PPIG: variants seen among roughly 807,000 people sequenced by gnomAD.
PPIG encodes the protein peptidyl-prolyl cis-trans isomerase G.
Under a neutral mutation model 87.9 loss-of-function variants are expected in PPIG, and 26 were observed. The ratio of observed to expected loss-of-function variants is 0.30; its 90% confidence interval spans 0.22 to 0.41. The LOEUF (loss-of-function observed/expected upper bound fraction) is 0.41, where lower values mean the gene tolerates loss of function less well. Ranked by LOEUF, PPIG falls within the 10% of genes least tolerant of loss-of-function variation. The pLI, the probability that PPIG is intolerant of heterozygous loss-of-function variation, is 1.00. For synonymous variants in PPIG, 308 were observed against 276.5 expected (o/e 1.11, Z -1.13); for missense variants, 722 against 879.4 (o/e 0.82, Z 2.26).
chr2:169,597,982 T>C (rs1009030269), intron 1 of PPIG, among the ~76,000 whole-genome samples: 5 of 150,456 alleles, frequency 3.3e-5, no homozygotes, highest in African/African-American at 1.2e-4. Flanking sequence ...ATTATAAGCA[T>C]GAGCCACCAT....
rs567023720 is a variant in PPIG, at chr2:169,589,617, C to T, written c.-70+5127C>T. ...AGCAGATAAGAATAATCCTTTCTTT[C>T]TTGGTTGTAAACTGAAGTGGATTCT... On this transcript the variant is annotated intron_variant, in intron 1 of 13. Coordinates refer to ENST00000260970, the MANE Select transcript of PPIG (RefSeq NM_004792.3). 2.6e-5 allele frequency among the ~76,000 whole-genome samples: 4 copies of T among 151,676 alleles called. No individual in the cohort carries two copies. The South Asian group carries it at 8.3e-4, about 31-fold the overall frequency.
intron 9 of PPIG, among the ~76,000 whole-genome samples, chr2:169,626,609 C>T (rs1368306229): frequency 6.6e-6 from 1 of 152,164 alleles, no homozygotes; most frequent in African/African-American, 2.4e-5. Flanking sequence ...AGGCTGGTCT[C>T]GAACTCCTGA....
chr2:169,614,517 A>T lies in PPIG; in HGVS notation c.407+24A>T, dbSNP rs750639746. Reference sequence around the variant, plus strand: ...GGGTAAATATTATTTTATTTATTTTACAACCTGTTTTAAATTAACCTTGAA... The same window carrying T: ...GGGTAAATATTATTTTATTTATTTTTCAACCTGTTTTAAATTAACCTTGAA... On this transcript the variant is annotated intron_variant, in intron 8 of 13. Transcript: ENST00000260970. 86 of 1,557,460 alleles carry T rather than the reference A, an allele frequency of 5.5e-5. No homozygotes were observed. The Middle Eastern group carries it at 5.6e-4, about 10-fold the overall frequency.
At chr2:169,600,439 A>C (rs976749315) in intron 1 of PPIG, among the ~76,000 whole-genome samples, 1 of 152,162 alleles carries the variant, frequency 6.6e-6, no homozygotes, top group African/African-American at 2.4e-5. Context: ...AATGCTTTGG[A>C]CCATATTATT....
At chr2:169,588,390 A>G (rs1359374708) in intron 1 of PPIG, among the ~76,000 whole-genome samples, 2 of 152,176 alleles carry the variant, frequency 1.3e-5, no homozygotes, top group African/African-American at 2.4e-5. Flanking sequence ...AAATTGTAGA[A>G]AGTACTAAAT....
Position 169,604,270 on chromosome 2 carries a change from A to C in PPIG, c.136+9A>C. 6.3e-7 allele frequency: 1 copy of C among 1,592,730 alleles called. No homozygotes were observed. ...TCGTTGTCTTTGTACAGGTTTGTTC[A>C]CATTTTCAACTGCCCTAATAGTAGT... On this transcript the variant is annotated intron_variant, in intron 4 of 13. Transcript: ENST00000260970.
chr2:169,631,880 T>A lies in PPIG; in HGVS notation c.876T>A (p.Pro292=), dbSNP rs559012385. The change falls in exon 11 of 14, where the codon CCT becomes CCA. Residue 292 remains proline (P), a synonymous_variant. Transcript: ENST00000260970. ...ENRFLMRKSP[P]KADEKERKNR... ...GATTCCTAATGAGAAAAAGTCCTCC[T>A]AAAGCTGATGAGAAGGAAAGGAAAA... The A allele has an allele frequency of 1.0e-4, 161 of 1,610,618 alleles. No individual in the cohort carries two copies. Among genetic ancestry groups the A allele is most frequent in the Non-Finnish European group, 1.3e-4 (156 of 1,177,346 alleles).
At chr2:169,627,470 T>A (rs13395891) in intron 9 of PPIG, among the ~76,000 whole-genome samples, 90,752 of 152,122 alleles carry the variant, frequency 0.6, 27,728 homozygotes, top group African/African-American at 0.73. Context: ...AAATAATTGT[T>A]TATGAAATGT....
chr2:169,627,585 G>A (rs1272187805), intron 9 of PPIG, among the ~76,000 whole-genome samples: 1 of 151,748 alleles, frequency 6.6e-6, no homozygotes, highest in Non-Finnish European at 1.5e-5. Flanking sequence ...AGAATGCAGT[G>A]GTGCGATCAT....
intron 12 of PPIG, among the ~76,000 whole-genome samples, chr2:169,634,855 C>T (rs1216383139): frequency 1.3e-5 from 2 of 152,132 alleles, no homozygotes; most frequent in Non-Finnish European, 2.9e-5. Flanking sequence ...TTTTTTAAAT[C>T]TCAGTACCTC....
At chr2:169,624,373 T>C (rs1685829929) in intron 9 of PPIG, among the ~76,000 whole-genome samples, 1 of 152,188 alleles carries the variant, frequency 6.6e-6, no homozygotes, top group Admixed American at 6.5e-5. Flanking sequence ...TCATTCTACT[T>C]AATAATAAGC....
chr2:169,591,054 G>C (rs1056309070), intron 1 of PPIG, among the ~76,000 whole-genome samples: 1 of 152,076 alleles, frequency 6.6e-6, no homozygotes, highest in South Asian at 2.1e-4. Context: ...TTAGAAACTC[G>C]GTGCTATGCT....
chr2:169,603,393 C>G (rs543672747), intron 1 of PPIG, among the ~76,000 whole-genome samples: 1 of 152,124 alleles, frequency 6.6e-6, no homozygotes, highest in Non-Finnish European at 1.5e-5. Flanking sequence ...GTGTCTATAC[C>G]AGCATATCAG....
chr2:169,623,011 T>C (rs1034927955), intron 9 of PPIG, among the ~76,000 whole-genome samples: 1 of 152,224 alleles, frequency 6.6e-6, no homozygotes, highest in African/African-American at 2.4e-5. Context: ...ATATGTGTTC[T>C]TGGGGAGTCT....
At chr2:169,626,254 C>T (rs549206064) in intron 9 of PPIG, among the ~76,000 whole-genome samples, 1 of 152,118 alleles carries the variant, frequency 6.6e-6, no homozygotes, top group Admixed American at 6.5e-5. Flanking sequence ...ATTGTGATAT[C>T]TCCCAATTTT....
chr2:169,605,235 C>G (rs567404608), intron 4 of PPIG, among the ~76,000 whole-genome samples: 2 of 151,508 alleles, frequency 1.3e-5, no homozygotes, highest in African/African-American at 4.8e-5. Context: ...TCGGGAGGCT[C>G]AGACAGGAGA....
intron 9 of PPIG, among the ~76,000 whole-genome samples, chr2:169,619,076 G>T (rs999846789): frequency 3.9e-5 from 6 of 152,088 alleles, no homozygotes; most frequent in African/African-American, 1.4e-4. Context: ...CTGGTACGTT[G>T]TGTCTTTGTT....
chr2:169,615,759 G>A (rs1685594449), intron 9 of PPIG, among the ~76,000 whole-genome samples: 1 of 152,196 alleles, frequency 6.6e-6, no homozygotes, highest in South Asian at 2.1e-4. Context: ...CAGTGAACAT[G>A]AGAGTGAGAT....
chr2:169,623,940 T>A (rs1685818371), intron 9 of PPIG, among the ~76,000 whole-genome samples: 1 of 152,208 alleles, frequency 6.6e-6, no homozygotes, highest in Admixed American at 6.5e-5. Context: ...CTTAGGTTTT[T>A]ACAAATAAAA....
Sources: gnomAD v4.1 joint callset for allele counts (sites outside exome capture counted in the v4.1 genomes callset) on GRCh38, gnomAD v4.1.1 for gene constraint, MANE v1.5 for transcripts, NCBI Gene and HGNC (gene_info 2026-07-23, HGNC 2026-07-21) for gene names.